CDKN3: variants seen among roughly 807,000 people sequenced by gnomAD.
CDKN3 encodes cyclin dependent kinase inhibitor 3, also known as cyclin-dependent kinase inhibitor 3.
A neutral mutation model predicts 36.1 loss-of-function variants in CDKN3; 19 were observed. The observed-to-expected ratio is 0.53, with a 90% CI of 0.37 to 0.77. The LOEUF is 0.77. CDKN3 is among the 30% of genes least tolerant of loss of function. The probability of loss-of-function intolerance (pLI) is 0.00; values close to 1 mark genes in which losing one functional copy is unlikely to be tolerated. For missense variants in CDKN3, 188 were observed against 248.6 expected (o/e 0.76, Z 1.64); for synonymous variants, 71 against 85.3 (o/e 0.83, Z 0.92).
chr14:54,411,176 CAAAAAAAAAA>C (rs376186329), intron 4 of CDKN3: 18 of 123,608 alleles, frequency 1.5e-4, no homozygotes, highest in Non-Finnish European at 2.0e-4. Context: ...GACTCCATCT[CAAAAAAAAAA>C]AAAAAAAAAA....
At chr14:54,408,637 A>G (rs2030245258) in intron 3 of CDKN3, 108 bp from the exon 4 acceptor site, 1 of 1,155,576 alleles carries the variant, frequency 8.7e-7, no homozygotes, top group Non-Finnish European at 1.2e-6. Flanking sequence ...TGAAACATAT[A>G]AATGATTACG....
At position 54,420,031 on chromosome 14, in the gene CDKN3, G is replaced by A. The variant is rs371471370; in HGVS notation, c.592G>A (p.Ala198Thr). ...YLHEFRDKLA[A>T]HLSSRDSQSR... Reference sequence around the variant, plus strand: ...TCATGAGTTTCGGGACAAATTAGCTGCACATCTATCATCAAGAGATTCACA... The same window carrying A: ...TCATGAGTTTCGGGACAAATTAGCTACACATCTATCATCAAGAGATTCACA... The change falls in exon 8 of 8, where the codon GCA (alanine) becomes ACA (threonine). Residue 198 changes from alanine (A) to threonine (T), a missense_variant. Coordinates refer to ENST00000335183, the MANE Select transcript of CDKN3 (RefSeq NM_005192.4). 6 of 1,609,672 alleles carry A rather than the reference G, an allele frequency of 3.7e-6. No individual in the cohort carries two copies. In the African/African-American group the frequency reaches 8.0e-5, roughly 22 times the overall value.
chr14:54,408,843 G>T, intron 4 of CDKN3, 54 bp downstream of exon 4: 3 of 1,484,982 alleles, frequency 2.0e-6, no homozygotes, highest in South Asian at 1.5e-5. Flanking sequence ...GAATAGCATT[G>T]AAAAACTCTC....
At chr14:54,402,431 T>A (rs1015221583) in intron 3 of CDKN3, among the ~76,000 whole-genome samples, 1 of 152,144 alleles carries the variant, frequency 6.6e-6, no homozygotes, top group Non-Finnish European at 1.5e-5. Context: ...TTAAGTTCCT[T>A]GTAGATTCTG....
intron 5 of CDKN3, among the ~76,000 whole-genome samples, chr14:54,413,085 ACTGAACT>A (rs572597477): frequency 1.6e-3 from 239 of 152,362 alleles, no homozygotes; most frequent in African/African-American, 5.3e-3. Context: ...TTGTGGCCAA[ACTGAACT>A]CTGACATACA....
At chr14:54,404,629 C>T (rs2030083024) in intron 3 of CDKN3, among the ~76,000 whole-genome samples, 1 of 152,052 alleles carries the variant, frequency 6.6e-6, no homozygotes, top group East Asian at 1.9e-4. Flanking sequence ...GGCTACAGTG[C>T]AATGGCACAA....
chr14:54,411,684 A>T lies in CDKN3; in HGVS notation c.394A>T (p.Asn132Tyr). 1 of 1,611,416 alleles carries T rather than the reference A, an allele frequency of 6.2e-7. No individual in the cohort carries two copies. Among genetic ancestry groups the T allele is most frequent in the East Asian group, 2.2e-5 (1 of 44,864 alleles). The change falls in exon 5 of 8, where the codon AAT becomes TAT. Residue 132 changes from asparagine to tyrosine, a missense_variant. Asn to Tyr is a moderately radical substitution (Grantham distance 143). Transcript: ENST00000335183. ...IMEELTTCLK[N>Y]YRKTLIHCYG... ...GGAAGAGCTTACAACCTGCCTTAAA[A>T]ATTACCGAAAAACCTTAATACAGTA...
chr14:54,417,116 T>C (rs2030578475), intron 6 of CDKN3, among the ~76,000 whole-genome samples: 1 of 152,232 alleles, frequency 6.6e-6, no homozygotes, highest in African/African-American at 2.4e-5. Context: ...GAAAATAGTC[T>C]AGCAGTAGTT....
At chr14:54,403,805 T>C (rs1384021625) in intron 3 of CDKN3, among the ~76,000 whole-genome samples, 1 of 152,238 alleles carries the variant, frequency 6.6e-6, no homozygotes, top group Admixed American at 6.5e-5. Context: ...CATGTGGTTT[T>C]TGTCACTGAT....
intron 3 of CDKN3, among the ~76,000 whole-genome samples, chr14:54,406,776 G>A (rs891055827): frequency 1.3e-5 from 2 of 151,778 alleles, no homozygotes; most frequent in Non-Finnish European, 2.9e-5. Context: ...CCTTGCATTG[G>A]GTTAGAACAT....
At chr14:54,400,725 C>A (rs4251609) in intron 2 of CDKN3, among the ~76,000 whole-genome samples, 5,002 of 152,252 alleles carry the variant, frequency 0.033, 266 homozygotes, top group African/African-American at 0.11. Context: ...ACTTAAAACT[C>A]CCATTTAAAC....
At position 54,400,019 on chromosome 14, in the gene CDKN3, C is replaced by T. The variant is rs752249398; in HGVS notation, c.92+43C>T. 3 of 890,084 alleles carry T rather than the reference C, an allele frequency of 3.4e-6. No homozygotes were observed. The Admixed American group carries it at 5.3e-5, about 16-fold the overall frequency. 55.1% of individuals were successfully genotyped at this position (890,084 alleles called of 1,614,324 possible). On this transcript the variant is annotated intron_variant, in intron 2 of 7. Coordinates refer to ENST00000335183, the MANE Select transcript of CDKN3 (RefSeq NM_005192.4). ...ATCAATGATGAGCTAAAATCACAATCTACATCATAAATGTAAATTTAGTTA... is the reference window on the plus strand; with the variant it reads ...ATCAATGATGAGCTAAAATCACAATTTACATCATAAATGTAAATTTAGTTA...
intron 5 of CDKN3, among the ~76,000 whole-genome samples, chr14:54,414,701 G>A (rs930295227): frequency 2.0e-5 from 3 of 147,158 alleles, no homozygotes; most frequent in Admixed American, 6.8e-5. Flanking sequence ...GTGCGCCACC[G>A]TGCCAGGCTT....
Position 54,417,961 on chromosome 14 carries a change from T to A in CDKN3, c.552+10T>A. The A allele has an allele frequency of 6.7e-7, 1 of 1,498,702 alleles. No homozygotes were observed. Among genetic ancestry groups the A allele is most frequent in the African/African-American group, 1.4e-5 (1 of 72,750 alleles). 92.8% of individuals were successfully genotyped at this position (1,498,702 alleles called of 1,614,324 possible). A position where few individuals can be genotyped will look rare whatever the true frequency, so the allele number is the denominator to read the frequency against. ...AATACAGACCATCAAGGTGAGGAGG[T>A]GGGCGGTGCTTGCTTGGTTGTGGTT... On this transcript the variant is annotated intron_variant, in intron 7 of 7. Coordinates refer to ENST00000335183, the MANE Select transcript of CDKN3 (RefSeq NM_005192.4).
Position 54,417,851 on chromosome 14 carries a change from C to G in CDKN3, c.452C>G (p.Ala151Gly). Residue 151 changes from alanine to glycine, a missense_variant, in exon 7 of 8, where the codon GCT becomes GGT. Coordinates refer to ENST00000335183, the MANE Select transcript of CDKN3 (RefSeq NM_005192.4). ...TTTTTCTGTCATGTTCCATTAGTAG[C>G]TGCTTGTCTCCTACTATACCTGTCT... is the stretch of plus-strand genomic sequence containing the variant. ...YGGLGRSCLV[A>G]ACLLLYLSDT... The G allele has an allele frequency of 1.3e-6, 2 of 1,568,068 alleles. No homozygotes were observed. Among genetic ancestry groups the G allele is most frequent in the Non-Finnish European group, 1.7e-6 (2 of 1,148,110 alleles).
At chr14:54,413,240 G>C (rs2030419997) in intron 5 of CDKN3, among the ~76,000 whole-genome samples, 1 of 152,072 alleles carries the variant, frequency 6.6e-6, no homozygotes, top group Non-Finnish European at 1.5e-5. Context: ...AATAGATCCA[G>C]TTGATGATGT....
chr14:54,397,134 C>G, intron 1 of CDKN3, 57 bp downstream of exon 1: 2 of 1,430,184 alleles, frequency 1.4e-6, no homozygotes, highest in South Asian at 1.5e-5. Context: ...CAAGCGGTCC[C>G]GGGGACCCGA....
Position 54,397,095 on chromosome 14 carries a change from G to A in CDKN3, c.9+18G>A. The A allele has an allele frequency of 2.0e-6, 3 of 1,499,450 alleles. No individual in the cohort carries two copies. The highest frequency in any genetic ancestry group is 2.7e-6 in the Non-Finnish European group (3 of 1,121,104). 92.9% of individuals were successfully genotyped at this position (1,499,450 alleles called of 1,614,324 possible). A position where few individuals can be genotyped will look rare whatever the true frequency, so the allele number is the denominator to read the frequency against. On this transcript the variant is annotated intron_variant, in intron 1 of 7. Coordinates refer to ENST00000335183, the MANE Select transcript of CDKN3 (RefSeq NM_005192.4). ...TGAAGCCGGTGAGTCGGACGTGCTG[G>A]GGTTTGGAGGAGCGAGGCGGCAGGG...
chr14:54,407,888 T>G (rs2030216300), intron 3 of CDKN3, among the ~76,000 whole-genome samples: 1 of 152,110 alleles, frequency 6.6e-6, no homozygotes, highest in South Asian at 2.1e-4. Context: ...CAAGTACCAC[T>G]CAGTTGGAAA....
Sources: gnomAD v4.1 joint callset for allele counts (sites outside exome capture counted in the v4.1 genomes callset) on GRCh38, gnomAD v4.1.1 for gene constraint, MANE v1.5 for transcripts, NCBI Gene and HGNC (gene_info 2026-07-23, HGNC 2026-07-21) for gene names.